Variants in KCNQ1 observed in about 807,000 individuals in gnomAD.
The protein encoded by KCNQ1 is potassium voltage-gated channel subfamily Q member 1.
In KCNQ1, 49 loss-of-function variants were observed where a neutral mutation model predicts 72.4. The ratio of observed to expected loss-of-function variants is 0.68; its 90% CI spans 0.54 to 0.86. The LOEUF (loss-of-function observed/expected upper bound fraction) is 0.86. KCNQ1 is among the 40% of genes least tolerant of loss of function. The pLI, the probability that KCNQ1 is intolerant of heterozygous loss-of-function variation, is 0.00. For synonymous variants in KCNQ1, 450 were observed against 412.6 expected (o/e 1.09, Z -1.10); for missense variants, 790 against 945.1 (o/e 0.84, Z 2.15).
intron 2 of KCNQ1, among the ~76,000 whole-genome samples, chr11:2,560,065 A>G (rs1489582933): frequency 5.7e-5 from 8 of 139,400 alleles, no homozygotes; most frequent in African/African-American, 2.2e-4. Context: ...GCCTGGGGAC[A>G]GATAGCAGCA....
intron 15 of KCNQ1, among the ~76,000 whole-genome samples, chr11:2,831,846 G>A (rs1000168115): frequency 3.3e-5 from 5 of 151,848 alleles, no homozygotes; most frequent in Admixed American, 2.0e-4. Context: ...ACTTCTCTGA[G>A]CCTCAAGAGT....
rs563587232 is a variant in KCNQ1, at chr11:2,676,527, T to C, written c.1514+14446T>C. Reference sequence around the variant, plus strand: ...GAACACTTGGACTTGGCAAAAGGCATAGAGGTAGTGGTACAGGAAAGGTCT... The same window carrying C: ...GAACACTTGGACTTGGCAAAAGGCACAGAGGTAGTGGTACAGGAAAGGTCT... On this transcript the variant is annotated intron_variant, in intron 11 of 15. Transcript: ENST00000155840. This position sits in a 1 kb window ranked among gnomAD's most constrained non-coding sequence, Gnocchi z 4.2. The C allele has an allele frequency of 1.5e-5, 6 of 398,496 alleles. No homozygotes were observed. Among genetic ancestry groups the C allele is most frequent in the Admixed American group, 4.4e-5 (1 of 22,712 alleles). The allele number at this position is 398,496 out of a possible 1,614,324, so 24.7% of individuals were successfully genotyped here. A position where few individuals can be genotyped will look rare whatever the true frequency, so the allele number is the denominator to read the frequency against.
chr11:2,454,756 A>G (rs953183006), intron 1 of KCNQ1, among the ~76,000 whole-genome samples: 8 of 152,228 alleles, frequency 5.3e-5, no homozygotes, highest in African/African-American at 1.9e-4. Context: ...AAAAATAGGC[A>G]TCAAAGGAAC....
At chr11:2,587,749 G>A (rs988689920) in intron 9 of KCNQ1, 57 bp downstream of exon 9, 180 of 1,610,286 alleles carry the variant, frequency 1.1e-4, no homozygotes, top group Admixed American at 3.2e-4. Flanking sequence ...TGGGGAGGCC[G>A]TGGGGGCCGC....
In KCNQ1 at chr11:2,676,121, C is replaced by CA; in HGVS notation, c.1514+14040_1514+14041insA. 1 of 398,464 alleles carries CA rather than the reference C, an allele frequency of 2.5e-6. No individual in the cohort carries two copies. Among genetic ancestry groups the CA allele is most frequent in the Non-Finnish European group, 4.4e-6 (1 of 226,076 alleles). The allele number at this position is 398,464 out of a possible 1,614,324, so 24.7% of individuals were successfully genotyped here. Reference sequence around the variant, plus strand: ...TGCATGTACTTAGTAGATACGGCTCCTTTTTATACAAATGGTAGCATACTG... The same window carrying CA: ...TGCATGTACTTAGTAGATACGGCTCCATTTTTATACAAATGGTAGCATACTG... On this transcript the variant is annotated intron_variant, in intron 11 of 15. Transcript: ENST00000155840. The surrounding 1 kb of genome is among the most constrained non-coding windows in gnomAD (Gnocchi z 4.2).
In KCNQ1 at chr11:2,599,863, T is replaced by A. The variant is rs1353027567; in HGVS notation, c.1393+11009T>A. On this transcript the variant is annotated intron_variant, in intron 10 of 15. Transcript: ENST00000155840. The surrounding 1 kb of genome is among the most constrained non-coding windows in gnomAD (Gnocchi z 4.7). Reference sequence around the variant, plus strand: ...TCATCACCTCTTTAAAGGTCCTGTCTCCAAACATGCTGAGTCACGTGCCGA... The same window carrying A: ...TCATCACCTCTTTAAAGGTCCTGTCACCAAACATGCTGAGTCACGTGCCGA... 6.6e-6 allele frequency among the ~76,000 whole-genome samples: 1 copy of A among 152,184 alleles called. No homozygotes were observed. Among genetic ancestry groups the A allele is most frequent in the East Asian group, 1.9e-4 (1 of 5,198 alleles).
At position 2,677,496 on chromosome 11, in the gene KCNQ1, G is replaced by A. The variant is rs1040456799; in HGVS notation, c.1514+15415G>A. 5.0e-6 allele frequency: 2 copies of A among 398,406 alleles called. No homozygotes were observed. Among genetic ancestry groups the A allele is most frequent in the African/African-American group, 4.1e-5 (2 of 48,614 alleles). The allele number at this position is 398,406 out of a possible 1,614,324, so 24.7% of individuals were successfully genotyped here. On this transcript the variant is annotated intron_variant, in intron 11 of 15. Transcript: ENST00000155840. The surrounding 1 kb of genome is among the most constrained non-coding windows in gnomAD (Gnocchi z 4.5). Reference sequence around the variant, plus strand: ...ACCATGCCATACTTCTACAAAAAATGATCCTCTCTGTGGAAGTGCTGCCAA... The same window carrying A: ...ACCATGCCATACTTCTACAAAAAATAATCCTCTCTGTGGAAGTGCTGCCAA...
In KCNQ1 at chr11:2,824,516, C is replaced by T. The variant is rs467501; in HGVS notation, c.1795-23251C>T. On this transcript the variant is annotated intron_variant, in intron 15 of 15. Transcript: ENST00000155840. This position sits in a 1 kb window ranked among gnomAD's most constrained non-coding sequence, Gnocchi z 5.9. ...AGGTGTCCACGTGGAGGTGTTTGCC[C>T]GGCAGTTTAGGCTGCAAGGCTCAGC... Among the ~76,000 whole-genome samples the T allele has an allele frequency of 2.2e-3, 335 of 152,204 alleles. 1 individual carries two copies. The highest frequency in any genetic ancestry group is 3.5e-3 in the Non-Finnish European group (235 of 68,018).
chr11:2,611,627 G>A lies in KCNQ1; in HGVS notation c.1393+22773G>A, dbSNP rs907107750. 17 of 398,274 alleles carry A rather than the reference G, an allele frequency of 4.3e-5. No homozygotes were observed. The highest frequency in any genetic ancestry group is 1.3e-5 in the Non-Finnish European group (3 of 226,042). The allele number at this position is 398,274 out of a possible 1,614,324, so 24.7% of individuals were successfully genotyped here. A position where few individuals can be genotyped will look rare whatever the true frequency, so the allele number is the denominator to read the frequency against. ...TTGAATCTAGAATGTGACTCTTATA[G>A]ACCATATATATTTGGATCCTGCTTT... On this transcript the variant is annotated intron_variant, in intron 10 of 15. Coordinates refer to ENST00000155840, the MANE Select transcript of KCNQ1 (RefSeq NM_000218.3). This position sits in a 1 kb window ranked among gnomAD's most constrained non-coding sequence, Gnocchi z 5.3.
chr11:2,584,709 G>A (rs1280716893), intron 7 of KCNQ1, among the ~76,000 whole-genome samples: 3 of 151,044 alleles, frequency 2.0e-5, no homozygotes, highest in African/African-American at 4.9e-5. Context: ...GTGTTAGTGT[G>A]CATATCTATT....
rs145885326 is a variant in KCNQ1, at chr11:2,614,275, A to G, written c.1393+25421A>G. On this transcript the variant is annotated intron_variant, in intron 10 of 15. Coordinates refer to ENST00000155840, the MANE Select transcript of KCNQ1 (RefSeq NM_000218.3). ...TACCTATTTCTGACATGTGTTCTCCATGTTGACATTTAATATAGAGTCTTC... is the reference window on the plus strand; with the variant it reads ...TACCTATTTCTGACATGTGTTCTCCGTGTTGACATTTAATATAGAGTCTTC... The G allele has an allele frequency of 2.7e-4, 107 of 398,616 alleles. No individual in the cohort carries two copies. In the East Asian group the frequency reaches 3.1e-3, roughly 11 times the overall value. 24.7% of individuals were successfully genotyped at this position (398,616 alleles called of 1,614,324 possible). A position where few individuals can be genotyped will look rare whatever the true frequency, so the allele number is the denominator to read the frequency against.
rs1305417867 is a variant in KCNQ1, at chr11:2,809,199, C to CT, written c.1794+31169dup. Among the ~76,000 whole-genome samples, 8 of 151,616 alleles carry CT rather than the reference C, an allele frequency of 5.3e-5. No individual in the cohort carries two copies. Among genetic ancestry groups the CT allele is most frequent in the Admixed American group, 2.6e-4 (4 of 15,204 alleles). On this transcript the variant is annotated intron_variant, in intron 15 of 15. Transcript: ENST00000155840. The surrounding 1 kb of genome is among the most constrained non-coding windows in gnomAD (Gnocchi z 7.1). ...CAGCTTTTGAATTGTTGATTTTTTT[C>CT]TTTTTTTAAGAAGAAACCAAAGTAA... is the stretch of plus-strand genomic sequence containing the variant.
rs929475630 is a variant in KCNQ1, at chr11:2,626,520, G to A, written c.1394-35441G>A. The A allele has an allele frequency of 3.5e-5, 14 of 398,324 alleles. No individual in the cohort carries two copies. The highest frequency in any genetic ancestry group is 6.2e-4 in the Middle Eastern group (1 of 1,614). 24.7% of individuals were successfully genotyped at this position (398,324 alleles called of 1,614,324 possible). A position where few individuals can be genotyped will look rare whatever the true frequency, so the allele number is the denominator to read the frequency against. On this transcript the variant is annotated intron_variant, in intron 10 of 15. Transcript: ENST00000155840. This position sits in a 1 kb window ranked among gnomAD's most constrained non-coding sequence, Gnocchi z 4.0. ...ACATAGTTTTGATTACTGTAGCTTCGTAATAAGTTGGGGTTTTTGTTTGTT... is the reference window on the plus strand; with the variant it reads ...ACATAGTTTTGATTACTGTAGCTTCATAATAAGTTGGGGTTTTTGTTTGTT...
In KCNQ1 at chr11:2,516,668, C is replaced by T. The variant is rs1182685580; in HGVS notation, c.387-11260C>T. On this transcript the variant is annotated intron_variant, in intron 1 of 15. Coordinates refer to ENST00000155840, the MANE Select transcript of KCNQ1 (RefSeq NM_000218.3). This position sits in a 1 kb window ranked among gnomAD's most constrained non-coding sequence, Gnocchi z 7.0. ...CCTGGGTTCTCAGCAGGACTCTTTG[C>T]CGGGATCCTCATGCTACGGCCACCA... Among the ~76,000 whole-genome samples the T allele has an allele frequency of 6.6e-6, 1 of 152,270 alleles. No homozygotes were observed. Among genetic ancestry groups the T allele is most frequent in the East Asian group, 1.9e-4 (1 of 5,178 alleles).
At position 2,588,760 on chromosome 11, in the gene KCNQ1, T is replaced by C; in HGVS notation, c.1299T>C (p.Pro433=). Residue 433 remains proline (P), a synonymous_variant, in exon 10 of 16, where the codon CCT becomes CCC. Transcript: ENST00000155840. This position sits in a 1 kb window ranked among gnomAD's most constrained non-coding sequence, Gnocchi z 5.6. The part of the protein sequence containing the change: ...FKLDKDNGVT[P]GEKMLTVPHI... ...TGGACAAAGACAATGGGGTGACTCCTGGAGAGAAGATGCTCACAGTCCCCC... is the reference window on the plus strand; with the variant it reads ...TGGACAAAGACAATGGGGTGACTCCCGGAGAGAAGATGCTCACAGTCCCCC... The C allele has an allele frequency of 6.2e-7, 1 of 1,613,764 alleles. No homozygotes were observed. Among genetic ancestry groups the C allele is most frequent in the South Asian group, 1.1e-5 (1 of 91,012 alleles).
rs1246153255 is a variant in KCNQ1, at chr11:2,585,697, T to A, written c.1128+390T>A. 3.3e-5 allele frequency among the ~76,000 whole-genome samples: 5 copies of A among 152,186 alleles called. No homozygotes were observed. In the East Asian group the frequency reaches 9.6e-4, roughly 29 times the overall value. The stretch of plus-strand genomic sequence containing the variant: ...GTCCCCAAGGGAGGTAGGACCCAGC[T>A]GTGCAGTTGGTGCCTTCTGGAGGGC... On this transcript the variant is annotated intron_variant, in intron 8 of 15. Transcript: ENST00000155840.
rs1846306928 is a variant in KCNQ1 at position 2,463,414 on chromosome 11, C to A, written c.386+17930C>A. Among the ~76,000 whole-genome samples the A allele has an allele frequency of 6.6e-6, 1 of 152,202 alleles. No homozygotes were observed. Among genetic ancestry groups the A allele is most frequent in the African/African-American group, 2.4e-5 (1 of 41,442 alleles). ...GTACAGCTGCACGGAGGCGCAGCACCCACAGGACAAGTGGTGGAATGTTCT... is the reference window on the plus strand; with the variant it reads ...GTACAGCTGCACGGAGGCGCAGCACACACAGGACAAGTGGTGGAATGTTCT... On this transcript the variant is annotated intron_variant, in intron 1 of 15. Transcript: ENST00000155840. The surrounding 1 kb of genome is among the most constrained non-coding windows in gnomAD (Gnocchi z 7.0).
intron 10 of KCNQ1, chr11:2,615,752 A>T (rs1849050904): frequency 2.5e-6 from 1 of 397,904 alleles, no homozygotes; most frequent in African/African-American, 2.1e-5. Context: ...ATGATATATA[A>T]TCCTTTTTAA....
rs530902605 is a variant in KCNQ1, at chr11:2,549,496, C to T, written c.478-21132C>T. 9.9e-5 allele frequency among the ~76,000 whole-genome samples: 15 copies of T among 152,264 alleles called. No individual in the cohort carries two copies. The highest frequency in any genetic ancestry group is 6.2e-4 in the South Asian group (3 of 4,826). ...CATGGGGCCCTCGAGGAGGGTCCCCCGGGGGCTGCAAAAGCAGAGGGAGTG... is the reference window on the plus strand; with the variant it reads ...CATGGGGCCCTCGAGGAGGGTCCCCTGGGGGCTGCAAAAGCAGAGGGAGTG... On this transcript the variant is annotated intron_variant, in intron 2 of 15. Transcript: ENST00000155840. This position sits in a 1 kb window ranked among gnomAD's most constrained non-coding sequence, Gnocchi z 6.2.
Sources: allele counts gnomAD v4.1 joint callset (sites outside exome capture counted in the v4.1 genomes callset), GRCh38; gene constraint gnomAD v4.1.1; non-coding constraint Gnocchi (gnomAD v3.1); transcripts MANE v1.5; gene names NCBI Gene and HGNC (gene_info 2026-07-23, HGNC 2026-07-21).